PPP1R12B: variants seen among roughly 807,000 people sequenced by gnomAD.
The protein encoded by PPP1R12B is protein phosphatase 1 regulatory subunit 12B.
PPP1R12B carries 76 observed loss-of-function variants against 126.1 expected under a neutral mutation model. The observed-to-expected ratio is 0.60, with a 90% confidence interval of 0.50 to 0.73. The LOEUF (loss-of-function observed/expected upper bound fraction) is 0.73. Ranked by LOEUF, PPP1R12B falls within the 30% of genes least tolerant of loss-of-function variation. The pLI, the probability that PPP1R12B is intolerant of heterozygous loss-of-function variation, is 0.00. For missense variants in PPP1R12B, 1,052 were observed against 1,205.1 expected (o/e 0.87, Z 1.88); for synonymous variants, 356 against 434.7 (o/e 0.82, Z 2.25).
chr1:202,431,779 A>C (rs2843417), intron 8 of PPP1R12B, among the ~76,000 whole-genome samples, 160 bp downstream of exon 8: 3 of 152,218 alleles, frequency 2.0e-5, no homozygotes, highest in African/African-American at 4.8e-5. Context: ...CCTGATATAA[A>C]AACTGTGAGC....
Position 202,416,860 on chromosome 1 carries a change from A to G in PPP1R12B, c.365A>G (p.Asn122Ser). 6.2e-7 allele frequency: 1 copy of G among 1,614,094 alleles called. No individual in the cohort carries two copies. The highest frequency in any genetic ancestry group is 8.5e-7 in the Non-Finnish European group (1 of 1,179,938). The part of the protein sequence containing the change: ...ENRANVNQQD[N>S]EGWTPLHAAA... ...AGAGCCAATGTAAACCAGCAAGACA[A>G]CGAGGGCTGGACACCCCTTCATGCA... is the stretch of plus-strand genomic sequence containing the variant. Residue 122 changes from asparagine to serine, a missense_variant, in exon 2 of 24, where the codon AAC (asparagine) becomes AGC (serine). Asn to Ser is a conservative substitution (Grantham distance 46). Transcript: ENST00000608999.
At chr1:202,416,682 GTAT>G in intron 1 of PPP1R12B, 102 bp from the exon 2 acceptor site, 1 of 957,294 alleles carries the variant, frequency 1.0e-6, no homozygotes. Flanking sequence ...AGAAATTAAT[GTAT>G]TATTAGAACT....
Position 202,562,804 on chromosome 1 carries a change from C to A in PPP1R12B, c.2534C>A (p.Thr845Lys). The A allele has an allele frequency of 6.2e-7, 1 of 1,612,752 alleles. No homozygotes were observed. Among genetic ancestry groups the A allele is most frequent in the East Asian group, 2.2e-5 (1 of 44,872 alleles). Residue 845 changes from threonine to lysine, a missense_variant, in exon 20 of 24, where the codon ACA becomes AAA. Thr to Lys is a moderately conservative substitution (Grantham distance 78, BLOSUM62 -1). Coordinates refer to ENST00000608999, the MANE Select transcript of PPP1R12B (RefSeq NM_002481.4). ...SRLESGGSNP[T>K]TSDSYGDRAS... is the part of the protein sequence containing the mutation. ...TTGGAATCGGGAGGTAGTAATCCTA[C>A]AACCAGTGATTCTTACGGTGACCGG...
At chr1:202,461,844 T>C (rs1424590369) in intron 13 of PPP1R12B, among the ~76,000 whole-genome samples, 1 of 152,158 alleles carries the variant, frequency 6.6e-6, no homozygotes. Flanking sequence ...AATCTAAGCA[T>C]TTGAACATTT....
At chr1:202,454,217 C>CG (rs1355251347) in intron 13 of PPP1R12B, among the ~76,000 whole-genome samples, 1 of 152,158 alleles carries the variant, frequency 6.6e-6, no homozygotes, top group Non-Finnish European at 1.5e-5. Flanking sequence ...TTGTAACCTA[C>CG]AATCAATAAG....
At chr1:202,574,783 C>T (rs975021963) in intron 23 of PPP1R12B, 3 of 472,990 alleles carry the variant, frequency 6.3e-6, no homozygotes, top group African/African-American at 5.8e-5. Flanking sequence ...AGCCAAGAAT[C>T]AGACATAGCT....
intron 1 of PPP1R12B, among the ~76,000 whole-genome samples, chr1:202,403,224 A>G (rs1036705347): frequency 6.6e-6 from 1 of 152,224 alleles, no homozygotes; most frequent in African/African-American, 2.4e-5. Context: ...AACTCCAACC[A>G]GTTGTTACTT....
At chr1:202,514,036 G>A (rs1195353820) in intron 18 of PPP1R12B, among the ~76,000 whole-genome samples, 1 of 152,110 alleles carries the variant, frequency 6.6e-6, no homozygotes, top group East Asian at 1.9e-4. Flanking sequence ...CCTTTTTTCT[G>A]CAACCTTGCC....
intron 18 of PPP1R12B, among the ~76,000 whole-genome samples, chr1:202,497,073 T>C (rs968816464): frequency 7.9e-5 from 12 of 152,234 alleles, no homozygotes; most frequent in Admixed American, 7.2e-4. Context: ...CACACTGTTA[T>C]AGGATCCATC....
chr1:202,384,842 G>T (rs946551305), intron 1 of PPP1R12B, among the ~76,000 whole-genome samples: 1 of 152,188 alleles, frequency 6.6e-6, no homozygotes, highest in African/African-American at 2.4e-5. Flanking sequence ...TTAAACATTT[G>T]TGCATCTTCA....
chr1:202,371,246 C>T (rs1160519113), intron 1 of PPP1R12B, among the ~76,000 whole-genome samples: 2 of 147,278 alleles, frequency 1.4e-5, no homozygotes, highest in Non-Finnish European at 3.0e-5. Flanking sequence ...GTCTCAAACT[C>T]CTGGGCTCAA....
At chr1:202,487,569 C>T (rs1270354551) in intron 13 of PPP1R12B, among the ~76,000 whole-genome samples, 1 of 151,164 alleles carries the variant, frequency 6.6e-6, no homozygotes, top group Non-Finnish European at 1.5e-5. Flanking sequence ...CATTTACAAA[C>T]ACAATAGTCC....
At chr1:202,459,232 T>C (rs953098162) in intron 13 of PPP1R12B, among the ~76,000 whole-genome samples, 2 of 152,244 alleles carry the variant, frequency 1.3e-5, no homozygotes, top group African/African-American at 4.8e-5. Context: ...GGGTGTATTA[T>C]GGATACTTTT....
intron 1 of PPP1R12B, among the ~76,000 whole-genome samples, chr1:202,377,832 GTTTTTTTTTTTTTT>G (rs74860606): frequency 4.1e-5 from 4 of 97,266 alleles, no homozygotes; most frequent in South Asian, 6.1e-4. Context: ...AAAGACAGGT[GTTTTTTTTTTTTTT>G]TTTTTTTTTT....
At chr1:202,566,089 T>C (rs534869574) in intron 21 of PPP1R12B, among the ~76,000 whole-genome samples, 6 of 152,270 alleles carry the variant, frequency 3.9e-5, no homozygotes, top group Admixed American at 2.0e-4. Flanking sequence ...GGAAGAGCAG[T>C]TTCACCTGCT....
intron 19 of PPP1R12B, among the ~76,000 whole-genome samples, chr1:202,561,022 AT>A (rs1398468769): frequency 6.8e-5 from 10 of 147,532 alleles, no homozygotes; most frequent in South Asian, 2.1e-4. Context: ...TAATAAAAAA[AT>A]AAAAATAAAA....
At chr1:202,557,124 A>G (rs576854235) in intron 18 of PPP1R12B, among the ~76,000 whole-genome samples, 9 of 152,202 alleles carry the variant, frequency 5.9e-5, no homozygotes, top group Admixed American at 2.0e-4. Context: ...TGTAGCATGG[A>G]TCACAGGTGC....
At position 202,584,487 on chromosome 1, in the gene PPP1R12B, G is replaced by A. The variant is rs1234422842; in HGVS notation, c.*3927G>A. Reference sequence around the variant, plus strand: ...GTTTCTCCACTAGAGGCATTTAATTGAGCCAAAGATGATGGAAGAAGAAAC... The same window carrying A: ...GTTTCTCCACTAGAGGCATTTAATTAAGCCAAAGATGATGGAAGAAGAAAC... On this transcript the variant is annotated 3_prime_UTR_variant, in exon 24 of 24. Coordinates refer to ENST00000608999, the MANE Select transcript of PPP1R12B (RefSeq NM_002481.4). 6.6e-6 allele frequency: 1 copy of A among 152,196 alleles called. No homozygotes were observed. Among genetic ancestry groups the A allele is most frequent in the Non-Finnish European group, 1.5e-5 (1 of 68,038 alleles). 9.4% of individuals were successfully genotyped at this position (152,196 alleles called of 1,614,324 possible).
At chr1:202,377,804 G>A (rs1661439341) in intron 1 of PPP1R12B, among the ~76,000 whole-genome samples, 1 of 148,544 alleles carries the variant, frequency 6.7e-6, no homozygotes. Flanking sequence ...ATTATGGGGA[G>A]CAGGAGAAAG....
Sources: allele counts gnomAD v4.1 joint callset (sites outside exome capture counted in the v4.1 genomes callset), GRCh38; gene constraint gnomAD v4.1.1; transcripts MANE v1.5; gene names NCBI Gene and HGNC (gene_info 2026-07-23, HGNC 2026-07-21).